NAV1: variants seen among roughly 807,000 people sequenced by gnomAD.
The protein encoded by NAV1 is neuron navigator 1, also known as pore membrane and/or filament interacting like protein 3.
In NAV1, 18 loss-of-function variants were observed where a neutral mutation model predicts 175.2. That is an observed-to-expected ratio of 0.10 (90% CI 0.07 to 0.15). NAV1 has a LOEUF of 0.15. Ranked by LOEUF, NAV1 falls within the 10% of genes least tolerant of loss-of-function variation. NAV1 has a pLI of 1.00. For synonymous variants in NAV1, 897 were observed against 978.7 expected (o/e 0.92, Z 1.56); for missense variants, 1,731 against 2,436.6 (o/e 0.71, Z 6.10).
intron 2 of NAV1, among the ~76,000 whole-genome samples, chr1:201,617,135 A>T (rs611260): frequency 0.035 from 5,326 of 152,130 alleles, 274 homozygotes; most frequent in African/African-American, 0.11. Flanking sequence ...AGATCAGGGT[A>T]CTTAGAAGGA....
chr1:201,671,403 A>G (rs145024254), intron 1 of NAV1, among the ~76,000 whole-genome samples: 43 of 151,992 alleles, frequency 2.8e-4, no homozygotes, highest in African/African-American at 9.9e-4. Flanking sequence ...CCCCACCTAC[A>G]CATACCTCTG....
intron 1 of NAV1, among the ~76,000 whole-genome samples, chr1:201,552,971 C>G (rs1665907766): frequency 6.6e-6 from 1 of 152,124 alleles, no homozygotes; most frequent in South Asian, 2.1e-4. Flanking sequence ...CCTCTGGGCT[C>G]CAGACTGCAG....
At chr1:201,676,891 T>G (rs1288259252) in intron 1 of NAV1, among the ~76,000 whole-genome samples, 1 of 152,152 alleles carries the variant, frequency 6.6e-6, no homozygotes, top group Non-Finnish European at 1.5e-5. Context: ...CTTGATTGTC[T>G]TTAAACCAAT....
chr1:201,806,624 C>T (rs906192629), intron 17 of NAV1, among the ~76,000 whole-genome samples: 5 of 152,168 alleles, frequency 3.3e-5, no homozygotes, highest in African/African-American at 9.7e-5. Context: ...CTAAGTCTTA[C>T]GTCAATTATG....
chr1:201,804,453 TCAAAATGCTGACTCCAAATCCC>T lies in NAV1; in HGVS notation c.3640-35_3640-14del. On this transcript the variant is annotated splice_polypyrimidine_tract_variant and intron_variant, in intron 16 of 29. Transcript: ENST00000367296. ...AGTGTTGATTCTTTTTTTTTTTCCT[TCAAAATGCTGACTCCAAATCCC>T]TATTTTTTTCCAGGTCTATGAGGTA... 1 of 1,538,654 alleles carries T rather than the reference TCAAAATGCTGACTCCAAATCCC, an allele frequency of 6.5e-7. No homozygotes were observed. Among genetic ancestry groups the T allele is most frequent in the Non-Finnish European group, 8.8e-7 (1 of 1,142,216 alleles).
Position 201,810,200 on chromosome 1 carries a change from C to T in NAV1, c.4561+95C>T. 1.4e-6 allele frequency: 2 copies of T among 1,478,830 alleles called. No individual in the cohort carries two copies. Among genetic ancestry groups the T allele is most frequent in the Admixed American group, 1.8e-5 (1 of 54,116 alleles). The allele number at this position is 1,478,830 out of a possible 1,614,324, so 91.6% of individuals were successfully genotyped here. ...CATGCATTCATTCACCAAGAACTCA[C>T]TGAGAAGGTATAATATGAAGATGCT... is the stretch of plus-strand genomic sequence containing the variant. On this transcript the variant is annotated intron_variant, in intron 23 of 29. Coordinates refer to ENST00000367296, the Ensembl canonical transcript of NAV1. This position sits in a 1 kb window ranked among gnomAD's most constrained non-coding sequence, Gnocchi z 6.0.
chr1:201,651,090 G>A (rs1225686866), intron 1 of NAV1, among the ~76,000 whole-genome samples: 1 of 148,702 alleles, frequency 6.7e-6, no homozygotes, highest in African/African-American at 2.5e-5. Context: ...GCCCTGCTGA[G>A]GGACTGAAAG....
intron 1 of NAV1, among the ~76,000 whole-genome samples, chr1:201,660,727 T>C (rs1050289583): frequency 4.6e-5 from 7 of 152,252 alleles, no homozygotes; most frequent in Admixed American, 4.6e-4. Flanking sequence ...TTTGTTTGCG[T>C]AAACCCATTT....
chr1:201,807,755 C>A lies in NAV1; in HGVS notation c.3649-198C>A, dbSNP rs1184186864. Reference sequence around the variant, plus strand: ...TGGCTCGATCTCAGCTCACTGCAACCTCTGCCTCCACGGTCCTAATTTCTA... The same window carrying A: ...TGGCTCGATCTCAGCTCACTGCAACATCTGCCTCCACGGTCCTAATTTCTA... On this transcript the variant is annotated intron_variant, in intron 17 of 29. Transcript: ENST00000367296. This position sits in a 1 kb window ranked among gnomAD's most constrained non-coding sequence, Gnocchi z 5.4. Among the ~76,000 whole-genome samples the A allele has an allele frequency of 6.6e-6, 1 of 152,150 alleles. No homozygotes were observed. The highest frequency in any genetic ancestry group is 1.5e-5 in the Non-Finnish European group (1 of 68,030).
chr1:201,813,282 A>T lies in NAV1; in HGVS notation c.5340+24A>T. 2 of 1,464,546 alleles carry T rather than the reference A, an allele frequency of 1.4e-6. No individual in the cohort carries two copies. The highest frequency in any genetic ancestry group is 2.3e-5 in the South Asian group (2 of 87,300). 90.7% of individuals were successfully genotyped at this position (1,464,546 alleles called of 1,614,324 possible). A position where few individuals can be genotyped will look rare whatever the true frequency, so the allele number is the denominator to read the frequency against. The stretch of plus-strand genomic sequence containing the variant: ...AGGTGAGCCCTACCCCCTTCACTCA[A>T]ACCCTAAGATCAGGCTGTCCTACCT... On this transcript the variant is annotated intron_variant, in intron 28 of 29. Coordinates refer to ENST00000367296, the Ensembl canonical transcript of NAV1. The surrounding 1 kb of genome is among the most constrained non-coding windows in gnomAD (Gnocchi z 4.2).
intron 3 of NAV1, among the ~76,000 whole-genome samples, chr1:201,757,417 T>C (rs239977): frequency 0.92 from 139,797 of 152,118 alleles, 65,032 homozygotes; most frequent in Non-Finnish European, 1. Flanking sequence ...TATAGGTGCT[T>C]GCCACCACGC....
chr1:201,755,036 C>CGAGG (rs1375007003), intron 3 of NAV1, among the ~76,000 whole-genome samples: 6 of 152,146 alleles, frequency 3.9e-5, no homozygotes, highest in Non-Finnish European at 7.4e-5. Flanking sequence ...AAATTAGTGC[C>CGAGG]TTTAGACATC....
chr1:201,722,501 T>C (rs1023541952), intron 3 of NAV1, among the ~76,000 whole-genome samples: 3 of 152,276 alleles, frequency 2.0e-5, no homozygotes, highest in African/African-American at 7.2e-5. Flanking sequence ...TGTTTACCCA[T>C]TCATCTGTTC....
chr1:201,707,637 G>T (rs1457827734), intron 1 of NAV1, among the ~76,000 whole-genome samples: 1 of 152,194 alleles, frequency 6.6e-6, no homozygotes, highest in African/African-American at 2.4e-5. Flanking sequence ...TCCTGGGGAA[G>T]CCTGTTTCCC....
chr1:201,690,238 C>G (rs1670856095), intron 1 of NAV1, among the ~76,000 whole-genome samples: 1 of 113,308 alleles, frequency 8.8e-6, no homozygotes, highest in Non-Finnish European at 1.8e-5. Context: ...TATTTCCTCT[C>G]TGGCCTGTCC....
intron 1 of NAV1, among the ~76,000 whole-genome samples, chr1:201,696,051 C>T (rs1671175881): frequency 6.6e-6 from 1 of 152,184 alleles, no homozygotes; most frequent in Non-Finnish European, 1.5e-5. Context: ...GGACTGGAAT[C>T]CAGGGGTCTC....
At chr1:201,726,475 C>T (rs239974) in intron 3 of NAV1, among the ~76,000 whole-genome samples, 1 of 151,642 alleles carries the variant, frequency 6.6e-6, no homozygotes, top group Admixed American at 6.6e-5. Context: ...CATGATGAAA[C>T]CCCATCTCTA....
At chr1:201,817,201 C>A in exon 29 of NAV1, 1 of 1,614,136 alleles carries the variant, frequency 6.2e-7, no homozygotes, top group Non-Finnish European at 8.5e-7. Flanking sequence ...CCCCACCCAC[C>A]GTGGGCCCTC....
intron 1 of NAV1, among the ~76,000 whole-genome samples, chr1:201,557,015 C>T (rs528159118): frequency 1.3e-5 from 2 of 152,258 alleles, no homozygotes; most frequent in African/African-American, 4.8e-5. Flanking sequence ...ATGATCCTGC[C>T]AGACCACAGG....
Sources: allele counts gnomAD v4.1 joint callset (sites outside exome capture counted in the v4.1 genomes callset), GRCh38; gene constraint gnomAD v4.1.1; non-coding constraint Gnocchi (gnomAD v3.1); transcripts MANE v1.5; gene names NCBI Gene and HGNC (gene_info 2026-07-23, HGNC 2026-07-21).